CBARP: variants seen among roughly 807,000 people sequenced by gnomAD.
CBARP encodes voltage-dependent calcium channel beta subunit-associated regulatory protein.
A neutral mutation model predicts 36.3 loss-of-function variants in CBARP; 24 were observed. That is an observed-to-expected ratio of 0.66 (90% CI 0.48 to 0.93). The LOEUF is 0.93. Ranked by LOEUF, CBARP falls within the 40% of genes least tolerant of loss-of-function variation. The pLI, the probability that CBARP is intolerant of heterozygous loss-of-function variation, is 0.00. For synonymous variants in CBARP, 586 were observed against 453.2 expected, an observed-to-expected ratio of 1.29 and a Z score of -3.72; for missense variants, 1,146 against 980.4, an observed-to-expected ratio of 1.17 and a Z score of -2.26.
At chr19:1,236,756 G>A (rs1282529781) in intron 1 of CBARP, among the ~76,000 whole-genome samples, 1 of 151,344 alleles carries the variant, frequency 6.6e-6, no homozygotes, top group Non-Finnish European at 1.5e-5. Flanking sequence ...TCCCAGCCCC[G>A]GAGAAGCTGG....
intron 8 of CBARP, 103 bp from the exon 9 acceptor site, chr19:1,231,378 G>A (rs2080890463): frequency 7.4e-6 from 10 of 1,354,176 alleles, no homozygotes; most frequent in Non-Finnish European, 9.5e-6. Context: ...CACAATGCCT[G>A]TGCCCCCCCG....
chr19:1,235,323 GCGCCTGGGCCCACCTA>G (rs2080952755), intron 4 of CBARP, 162 bp downstream of exon 4: 1 of 1,037,402 alleles, frequency 9.6e-7, no homozygotes, highest in Admixed American at 3.4e-5. Flanking sequence ...CGCTCAGCAC[GCGCCTGGGCCCACCTA>G]CGCCTGGGCG....
Position 1,233,556 on chromosome 19 carries a change from C to T in CBARP, c.849G>A (p.Gly283=). 1.9e-6 allele frequency: 3 copies of T among 1,608,350 alleles called. No homozygotes were observed. Among genetic ancestry groups the T allele is most frequent in the Non-Finnish European group, 2.5e-6 (3 of 1,178,224 alleles). The stretch of plus-strand genomic sequence containing the variant: ...TGAGGAACTGCAGAACGGTACCTGC[C>T]CCGGATCCCGGGCCCGCCTCCCCAG... ...AGPGEAGPGS[G]AGTVLQFLTR... Residue 283 remains glycine (G), a synonymous_variant, in exon 8 of 10, where the codon GGG becomes GGA. Coordinates refer to ENST00000650044, the MANE Select transcript of CBARP (RefSeq NM_001393918.1).
Position 1,229,455 on chromosome 19 carries a change from C to T in CBARP, c.1842G>A (p.Ala614=). 1.0e-6 allele frequency: 1 copy of T among 979,216 alleles called. No homozygotes were observed. The highest frequency in any genetic ancestry group is 1.2e-6 in the Non-Finnish European group (1 of 827,762). The allele number at this position is 979,216 out of a possible 1,614,324, so 60.7% of individuals were successfully genotyped here. ...CCACGCTGTCGCCGCGCCGCAAGGG[C>T]GCACGCGCGGGTCGGGCCGCGCCGG... ...PPAGAARPAR[A]PLRRGDSVDG... Residue 614 remains alanine (A), a synonymous_variant, in exon 10 of 10, where the codon GCG becomes GCA. Coordinates refer to ENST00000650044, the MANE Select transcript of CBARP (RefSeq NM_001393918.1). The surrounding 1 kb of genome is among the most constrained non-coding windows in gnomAD (Gnocchi z 5.1).
At chr19:1,230,884 G>T in intron 9 of CBARP, 1 of 1,534,462 alleles carries the variant, frequency 6.5e-7, no homozygotes. Context: ...CCCACCCACC[G>T]CCCTACCCTT....
chr19:1,232,293 C>G (rs966282958), intron 8 of CBARP, among the ~76,000 whole-genome samples: 1 of 152,132 alleles, frequency 6.6e-6, no homozygotes, highest in Non-Finnish European at 1.5e-5. Context: ...CTCCCTGGCC[C>G]CTAGCTACCT....
rs767201898 is a variant in CBARP, at chr19:1,235,053, T to C, written c.403A>G (p.Asn135Asp). 3 of 1,611,202 alleles carry C rather than the reference T, an allele frequency of 1.9e-6. No homozygotes were observed. The highest frequency in any genetic ancestry group is 2.5e-6 in the Non-Finnish European group (3 of 1,179,190). Residue 135 changes from asparagine (N) to aspartate (D), a missense_variant, in exon 5 of 10, where the codon AAT (asparagine) becomes GAT (aspartate). By Grantham distance (23) the Asn-to-Asp change is conservative. Coordinates refer to ENST00000650044, the MANE Select transcript of CBARP (RefSeq NM_001393918.1). ...TSSTGRRVSF[N>D]EAALFEQSRK... ...CTCTGCTCAAACAGCGCCGCCTCAT[T>C]GAAGGAGACCCGGCGGCCCGTGGAG...
chr19:1,236,136 C>T lies in CBARP; in HGVS notation c.-21-15G>A. ...GGAGGAGGGCCCTGTGGGGAGGAAG[C>T]CTGGTCAGCTCCAGCTAGACCTACT... On this transcript the variant is annotated splice_polypyrimidine_tract_variant and intron_variant, in intron 1 of 9. Coordinates refer to ENST00000650044, the MANE Select transcript of CBARP (RefSeq NM_001393918.1). 2.1e-6 allele frequency: 3 copies of T among 1,408,552 alleles called. No individual in the cohort carries two copies. The highest frequency in any genetic ancestry group is 2.8e-6 in the Non-Finnish European group (3 of 1,085,506). The allele number at this position is 1,408,552 out of a possible 1,614,324, so 87.3% of individuals were successfully genotyped here. A position where few individuals can be genotyped will look rare whatever the true frequency, so the allele number is the denominator to read the frequency against.
chr19:1,236,454 A>T (rs2080974874), intron 1 of CBARP, among the ~76,000 whole-genome samples: 1 of 152,174 alleles, frequency 6.6e-6, no homozygotes. Context: ...GGGCAGGGCA[A>T]GCACTCGGAG....
In CBARP at chr19:1,230,016, G is replaced by A. The variant is rs1475700113; in HGVS notation, c.1281C>T (p.Pro427=). The stretch of plus-strand genomic sequence containing the variant: ...CGCGGTAGCTGGTCTGGGCCTGCTC[G>A]GGGCCCGCGTCCCGCTCGGCGTCCG... ...LEPDAERDAG[P]EQAQTSYRDL... Residue 427 remains proline, a synonymous_variant, in exon 10 of 10, where the codon CCC becomes CCT. Coordinates refer to ENST00000650044, the MANE Select transcript of CBARP (RefSeq NM_001393918.1). 8.1e-7 allele frequency: 1 copy of A among 1,233,310 alleles called. No individual in the cohort carries two copies. Among genetic ancestry groups the A allele is most frequent in the Non-Finnish European group, 1.0e-6 (1 of 965,612 alleles). 76.4% of individuals were successfully genotyped at this position (1,233,310 alleles called of 1,614,324 possible). A position where few individuals can be genotyped will look rare whatever the true frequency, so the allele number is the denominator to read the frequency against.
intron 9 of CBARP, 148 bp downstream of exon 9, chr19:1,230,953 T>TC (rs1301916776): frequency 6.3e-7 from 1 of 1,576,616 alleles, no homozygotes; most frequent in African/African-American, 1.4e-5. Context: ...CCCCAGTGAG[T>TC]CCGCCTCTGG....
rs945357312 is a variant in CBARP at position 1,230,067 on chromosome 19, A to C, written c.1230T>G (p.Pro410=). 1.3e-5 allele frequency: 16 copies of C among 1,193,350 alleles called. No homozygotes were observed. Among genetic ancestry groups the C allele is most frequent in the Non-Finnish European group, 1.6e-5 (15 of 946,406 alleles). The allele number at this position is 1,193,350 out of a possible 1,614,324, so 73.9% of individuals were successfully genotyped here. ...GCTCCAGTGGCGGCTGCTGCTGCTC[A>C]GGCCCCGCGCTGCCCGCGCCGCGCT... ...PPERGAGSAG[P]EQQQPPLEPD... Residue 410 remains proline, a synonymous_variant, in exon 10 of 10, where the codon CCT becomes CCG. Coordinates refer to ENST00000650044, the MANE Select transcript of CBARP (RefSeq NM_001393918.1).
intron 9 of CBARP, chr19:1,230,566 C>G: frequency 9.0e-7 from 1 of 1,112,242 alleles, no homozygotes; most frequent in Non-Finnish European, 1.1e-6. Flanking sequence ...AGCAGGAGGA[C>G]AGTGCACAGA....
chr19:1,236,856 G>C (rs927084430), intron 1 of CBARP, among the ~76,000 whole-genome samples: 5 of 146,398 alleles, frequency 3.4e-5, no homozygotes, highest in South Asian at 4.2e-4. Context: ...CGGCCTGGGG[G>C]GGGGCGGCGG....
In CBARP at chr19:1,235,112, T is replaced by C. The variant is rs1427274446; in HGVS notation, c.344A>G (p.Gln115Arg). Residue 115 changes from glutamine to arginine, a missense_variant, in exon 5 of 10, where the codon CAG becomes CGG. By Grantham distance (43) the Gln-to-Arg change is conservative. Coordinates refer to ENST00000650044, the MANE Select transcript of CBARP (RefSeq NM_001393918.1). ...CAGGAAGCGTTCGGTCTCCGCATCC[T>C]GGCACTCGGGGTCCTCTCCCCGGAA... is the stretch of plus-strand genomic sequence containing the variant. ...PDFRGEDPEC[Q>R]DAETERFLST... The C allele has an allele frequency of 1.9e-6, 3 of 1,602,194 alleles. No individual in the cohort carries two copies. The highest frequency in any genetic ancestry group is 2.6e-6 in the Non-Finnish European group (3 of 1,175,004).
intron 1 of CBARP, among the ~76,000 whole-genome samples, chr19:1,237,312 A>G (rs2080988955): frequency 1.3e-5 from 2 of 151,674 alleles, no homozygotes; most frequent in South Asian, 4.1e-4. Context: ...TCGGGAAATG[A>G]GTTCAGGCTG....
In CBARP at chr19:1,229,044, G is replaced by A; in HGVS notation, c.*135C>T. On this transcript the variant is annotated 3_prime_UTR_variant, in exon 10 of 10. Coordinates refer to ENST00000650044, the MANE Select transcript of CBARP (RefSeq NM_001393918.1). This position sits in a 1 kb window ranked among gnomAD's most constrained non-coding sequence, Gnocchi z 5.1. ...CTGAAGCGGCGAGCGCGCCTCCGTC[G>A]CCCGGCGCGTGCGCGAAGGGCCCGC... is the stretch of plus-strand genomic sequence containing the variant. 1 of 196,784 alleles carries A rather than the reference G, an allele frequency of 5.1e-6. No individual in the cohort carries two copies. Among genetic ancestry groups the A allele is most frequent in the Non-Finnish European group, 8.9e-6 (1 of 111,830 alleles). The allele number at this position is 196,784 out of a possible 1,614,324, so 12.2% of individuals were successfully genotyped here.
chr19:1,235,932 G>A lies in CBARP; in HGVS notation c.106-14C>T, dbSNP rs1179845580. On this transcript the variant is annotated splice_polypyrimidine_tract_variant and intron_variant, in intron 2 of 9. Transcript: ENST00000650044. Reference sequence around the variant, plus strand: ...GTCTGGCTCTGCCTGCGGGTGTGCAGGGGGGGTCAGGTGCTGCTGGCCTGG... The same window carrying A: ...GTCTGGCTCTGCCTGCGGGTGTGCAAGGGGGGTCAGGTGCTGCTGGCCTGG... 1.9e-6 allele frequency: 3 copies of A among 1,602,796 alleles called. No homozygotes were observed. Among genetic ancestry groups the A allele is most frequent in the Non-Finnish European group, 2.6e-6 (3 of 1,174,638 alleles).
At chr19:1,235,679 G>A in intron 3 of CBARP, 100 bp downstream of exon 3, 3 of 1,593,804 alleles carry the variant, frequency 1.9e-6, no homozygotes, top group South Asian at 1.1e-5. Flanking sequence ...CAGAGGCATA[G>A]CCCACCCTGT....
Sources: allele counts gnomAD v4.1 joint callset (sites outside exome capture counted in the v4.1 genomes callset), GRCh38; gene constraint gnomAD v4.1.1; non-coding constraint Gnocchi (gnomAD v3.1); transcripts MANE v1.5; gene names NCBI Gene and HGNC (gene_info 2026-07-23, HGNC 2026-07-21).